The following PLXNA4 variants were observed in gnomAD, a reference collection of about 807,000 sequenced individuals.
The protein encoded by PLXNA4 is plexin-A4.
A neutral mutation model predicts 191.8 loss-of-function variants in PLXNA4; 44 were observed. The ratio of observed to expected loss-of-function variants is 0.23; its 90% CI spans 0.18 to 0.29. PLXNA4 has a LOEUF of 0.29. Among genes scored for constraint, PLXNA4 ranks in the 10% least tolerant of loss-of-function variants. The pLI, the probability that PLXNA4 is intolerant of heterozygous loss-of-function variation, is 1.00. For missense variants in PLXNA4, 1,800 were observed against 2,488.8 expected, an observed-to-expected ratio of 0.72 and a Z score of 5.89; for synonymous variants, 1,082 against 1,009.5, an observed-to-expected ratio of 1.07 and a Z score of -1.36.
intron 3 of PLXNA4, among the ~76,000 whole-genome samples, chr7:132,404,414 C>G (rs935054141): frequency 2.6e-5 from 4 of 152,232 alleles, no homozygotes; most frequent in Non-Finnish European, 5.9e-5. Flanking sequence ...TGGTGCGCAG[C>G]CTCCACCACT....
chr7:132,212,897 AC>A (rs1328175567), intron 9 of PLXNA4, among the ~76,000 whole-genome samples: 14 of 151,776 alleles, frequency 9.2e-5, no homozygotes, highest in Non-Finnish European at 1.9e-4. Flanking sequence ...CAGAAATTCC[AC>A]TCCTGGGTTT....
intron 5 of PLXNA4, among the ~76,000 whole-genome samples, chr7:132,231,195 T>C (rs189646391): frequency 1.2e-3 from 187 of 152,296 alleles, no homozygotes; most frequent in African/African-American, 4.3e-3. Context: ...TTCTCATCTA[T>C]ACATTGGGGA....
chr7:132,307,015 C>T (rs929747120), intron 3 of PLXNA4, among the ~76,000 whole-genome samples: 3 of 152,082 alleles, frequency 2.0e-5, no homozygotes, highest in African/African-American at 7.2e-5. Flanking sequence ...GGGGACCTTC[C>T]TTGTGGAAGA....
At chr7:132,292,672 C>A (rs1276934993) in intron 4 of PLXNA4, among the ~76,000 whole-genome samples, 2 of 152,176 alleles carry the variant, frequency 1.3e-5, no homozygotes, top group Non-Finnish European at 1.5e-5. Flanking sequence ...CTTCCTCTAC[C>A]TGCTAGACAC....
At chr7:132,382,490 G>A (rs1804937499) in intron 3 of PLXNA4, among the ~76,000 whole-genome samples, 2 of 152,024 alleles carry the variant, frequency 1.3e-5, no homozygotes, top group Non-Finnish European at 2.9e-5. Context: ...CCAAATATGA[G>A]GTCCCCGTGG....
chr7:132,555,220 T>C (rs1800751126), intron 1 of PLXNA4, among the ~76,000 whole-genome samples: 1 of 152,080 alleles, frequency 6.6e-6, no homozygotes, highest in Non-Finnish European at 1.5e-5. Flanking sequence ...TCTGAGAAAA[T>C]TCTGAGTCTT....
chr7:132,212,459 GAACT>G (rs1221022031), intron 9 of PLXNA4, among the ~76,000 whole-genome samples: 1 of 152,130 alleles, frequency 6.6e-6, no homozygotes, highest in African/African-American at 2.4e-5. Context: ...GAGAAGGCTT[GAACT>G]AACTCTAGTA....
At position 132,315,635 on chromosome 7, in the gene PLXNA4, G is replaced by A. The variant is rs181587686; in HGVS notation, c.1372-17413C>T. 6.6e-5 allele frequency among the ~76,000 whole-genome samples: 10 copies of A among 152,256 alleles called. No individual in the cohort carries two copies. The East Asian group carries it at 1.2e-3, about 18-fold the overall frequency. ...CAATACACCTTGGCCCACATCTCACGCCCCTCCCGAGTGAAGCACATTCAA... is the reference window on the plus strand; with the variant it reads ...CAATACACCTTGGCCCACATCTCACACCCCTCCCGAGTGAAGCACATTCAA... On this transcript the variant is annotated intron_variant, in intron 3 of 31. Transcript: ENST00000321063.
At chr7:132,561,231 C>A (rs1440983602) in intron 1 of PLXNA4, among the ~76,000 whole-genome samples, 2 of 152,042 alleles carry the variant, frequency 1.3e-5, no homozygotes, top group Non-Finnish European at 2.9e-5. Context: ...CAAAGCCAAT[C>A]TGAGGGATCC....
At chr7:132,194,276 G>T in intron 13 of PLXNA4, 97 bp from the exon 14 acceptor site, 1 of 1,470,968 alleles carries the variant, frequency 6.8e-7, no homozygotes, top group Non-Finnish European at 9.1e-7. Flanking sequence ...TCCACAGTAG[G>T]ATCTCAGGGA....
intron 3 of PLXNA4, among the ~76,000 whole-genome samples, chr7:132,399,329 T>C (rs1318919710): frequency 6.6e-6 from 1 of 152,148 alleles, no homozygotes; most frequent in Non-Finnish European, 1.5e-5. Context: ...GCATAAAACA[T>C]AGCAACAACA....
At chr7:132,339,683 C>A (rs1452136202) in intron 3 of PLXNA4, among the ~76,000 whole-genome samples, 1 of 152,164 alleles carries the variant, frequency 6.6e-6, no homozygotes, top group Admixed American at 6.5e-5. Flanking sequence ...CCTTGCCCCA[C>A]CCTGGATACA....
intron 3 of PLXNA4, among the ~76,000 whole-genome samples, chr7:132,327,333 C>A (rs1802414236): frequency 6.6e-6 from 1 of 151,986 alleles, no homozygotes; most frequent in African/African-American, 2.4e-5. Context: ...GTCAGAAGTA[C>A]TGAGAAATAA....
chr7:132,561,136 G>T (rs1019077068), intron 1 of PLXNA4, among the ~76,000 whole-genome samples: 40 of 151,926 alleles, frequency 2.6e-4, no homozygotes, highest in Admixed American at 2.5e-3. Flanking sequence ...TCCCACCTCT[G>T]CCTTGAACTC....
intron 3 of PLXNA4, among the ~76,000 whole-genome samples, chr7:132,414,394 T>C (rs913261292): frequency 4.6e-5 from 7 of 152,170 alleles, no homozygotes; most frequent in Non-Finnish European, 7.3e-5. Flanking sequence ...TCATGTAACC[T>C]TTTTGCTGCA....
intron 25 of PLXNA4, among the ~76,000 whole-genome samples, chr7:132,151,782 G>A (rs931007911): frequency 3.2e-4 from 48 of 152,300 alleles, no homozygotes; most frequent in African/African-American, 1.1e-3. Flanking sequence ...AAGAAGCAAG[G>A]ATCACAAGAA....
intron 3 of PLXNA4, among the ~76,000 whole-genome samples, chr7:132,338,869 A>G (rs766926487): frequency 6.6e-6 from 1 of 152,132 alleles, no homozygotes; most frequent in Non-Finnish European, 1.5e-5. Context: ...CTTCTCCAGG[A>G]AGACAAATTT....
chr7:132,485,259 C>G (rs117429145), intron 3 of PLXNA4, among the ~76,000 whole-genome samples: 65 of 152,274 alleles, frequency 4.3e-4, no homozygotes, highest in East Asian at 3.5e-3. Flanking sequence ...TCCGCTTAAC[C>G]AACATCCATA....
chr7:132,210,109 G>T (rs6952566), intron 10 of PLXNA4, among the ~76,000 whole-genome samples: 33,741 of 152,108 alleles, frequency 0.22, 5,205 homozygotes, highest in East Asian at 0.59. Context: ...CTTTTGTGCA[G>T]TGAAGAAAAA....
Sources: allele counts gnomAD v4.1 joint callset (sites outside exome capture counted in the v4.1 genomes callset), GRCh38; gene constraint gnomAD v4.1.1; transcripts MANE v1.5; gene names NCBI Gene and HGNC (gene_info 2026-07-23, HGNC 2026-07-21).